B3GALT1: variants seen among roughly 807,000 people sequenced by gnomAD.
The protein encoded by B3GALT1 is beta-1,3-galactosyltransferase 1.
B3GALT1 carries 10 observed loss-of-function variants against 23.2 expected under a neutral mutation model. That is an observed-to-expected ratio of 0.43 (90% CI 0.27 to 0.73). B3GALT1 has a LOEUF of 0.73. Among genes scored for constraint, B3GALT1 ranks in the 30% least tolerant of loss-of-function variants. B3GALT1 has a pLI of 0.21. For synonymous variants in B3GALT1, 156 were observed against 141.5 expected (o/e 1.10, Z -0.73); for missense variants, 299 against 405.4 (o/e 0.74, Z 2.25).
intron 2 of B3GALT1, among the ~76,000 whole-genome samples, chr2:167,548,508 C>A (rs913812710): frequency 1.2e-4 from 18 of 152,168 alleles, no homozygotes; most frequent in African/African-American, 4.1e-4. Context: ...GTGGGCCCTT[C>A]TTCTCCTTTT....
At chr2:167,623,410 A>G (rs1490367423) in intron 2 of B3GALT1, among the ~76,000 whole-genome samples, 1 of 152,176 alleles carries the variant, frequency 6.6e-6, no homozygotes. Flanking sequence ...TATACCATGG[A>G]ATACTATGCA....
intron 3 of B3GALT1, chr2:167,714,419 G>GCTC: frequency 6.4e-6 from 10 of 1,560,048 alleles, no homozygotes; most frequent in Non-Finnish European, 8.8e-6. Context: ...TGGAAGCACA[G>GCTC]GTGAGAGTCT....
intron 3 of B3GALT1, among the ~76,000 whole-genome samples, chr2:167,798,198 G>C (rs1349860391): frequency 2.0e-5 from 3 of 152,182 alleles, no homozygotes; most frequent in African/African-American, 7.2e-5. Flanking sequence ...ACCTTTGTCA[G>C]ATGGATAGAT....
chr2:167,593,982 G>A (rs1475867893), intron 2 of B3GALT1, among the ~76,000 whole-genome samples: 1 of 152,128 alleles, frequency 6.6e-6, no homozygotes, highest in African/African-American at 2.4e-5. Context: ...AAACACAGAA[G>A]CCTAGATATT....
At chr2:167,688,524 T>C (rs1017774628) in intron 3 of B3GALT1, among the ~76,000 whole-genome samples, 2 of 151,938 alleles carry the variant, frequency 1.3e-5, no homozygotes, top group Admixed American at 6.6e-5. Flanking sequence ...TTTTTAAAAC[T>C]CGATAGGTGG....
At chr2:167,805,873 T>A (rs1336767742) in intron 3 of B3GALT1, among the ~76,000 whole-genome samples, 1 of 152,222 alleles carries the variant, frequency 6.6e-6, no homozygotes, top group Non-Finnish European at 1.5e-5. Flanking sequence ...AGAAAGTCAT[T>A]GGTAGCTTGA....
intron 2 of B3GALT1, among the ~76,000 whole-genome samples, chr2:167,519,065 CA>C (rs1211571783): frequency 2.7e-5 from 4 of 150,048 alleles, no homozygotes; most frequent in African/African-American, 4.9e-5. Flanking sequence ...GTAAAGAAAA[CA>C]AATACAATTT....
chr2:167,453,581 C>A (rs1287785674), intron 1 of B3GALT1, among the ~76,000 whole-genome samples: 3 of 151,920 alleles, frequency 2.0e-5, no homozygotes, highest in Admixed American at 6.6e-5. Context: ...CTACATTTTT[C>A]TGTTTAGGAA....
rs1000165617 is a variant in B3GALT1 at position 167,873,918 on chromosome 2, C to G, written c.*3898C>G. The G allele has an allele frequency of 2.0e-5, 3 of 152,224 alleles. No homozygotes were observed. Among genetic ancestry groups the G allele is most frequent in the African/African-American group, 7.2e-5 (3 of 41,456 alleles). The allele number at this position is 152,224 out of a possible 1,614,324, so 9.4% of individuals were successfully genotyped here. On this transcript the variant is annotated 3_prime_UTR_variant, in exon 5 of 5. Transcript: ENST00000392690. ...ATCATTACACTTTCTTCACCTTCCT[C>G]TTGAAATGTAAACTGTTGACTGAAA...
chr2:167,863,523 T>G (rs1690147205), intron 4 of B3GALT1, among the ~76,000 whole-genome samples: 2 of 152,218 alleles, frequency 1.3e-5, no homozygotes. Context: ...TGTTTAAGGC[T>G]ACTGAGACAC....
Position 167,733,558 on chromosome 2 carries a change from C to T in B3GALT1, c.-351-85114C>T, listed in dbSNP as rs73019343. 3.7e-3 allele frequency among the ~76,000 whole-genome samples: 567 copies of T among 152,200 alleles called. 1 individual carries two copies. Among genetic ancestry groups the T allele is most frequent in the African/African-American group, 0.013 (544 of 41,532 alleles). On this transcript the variant is annotated intron_variant, in intron 3 of 4. Coordinates refer to ENST00000392690, the MANE Select transcript of B3GALT1 (RefSeq NM_020981.4). ...GTTTCTCACTTTCTAAAACAAGTTT[C>T]TCAATTTCTAAAACAAATTGCCTAC...
intron 3 of B3GALT1, among the ~76,000 whole-genome samples, chr2:167,697,049 A>C (rs1006416130): frequency 6.6e-6 from 1 of 152,194 alleles, no homozygotes; most frequent in Non-Finnish European, 1.5e-5. Flanking sequence ...TCTGTTGTTC[A>C]TGCATTGCTC....
intron 1 of B3GALT1, among the ~76,000 whole-genome samples, chr2:167,326,203 T>TC (rs397935029): frequency 2.0e-5 from 3 of 151,884 alleles, no homozygotes; most frequent in East Asian, 3.9e-4. Flanking sequence ...TTTTTTTTTT[T>TC]CAGTATACTT....
chr2:167,677,613 C>G (rs1308992945), intron 3 of B3GALT1, among the ~76,000 whole-genome samples: 1 of 152,220 alleles, frequency 6.6e-6, no homozygotes, highest in Non-Finnish European at 1.5e-5. Flanking sequence ...ACTGTAGCAT[C>G]CCACCTTGCC....
At chr2:167,853,001 CAA>C (rs1224345651) in intron 4 of B3GALT1, among the ~76,000 whole-genome samples, 3 of 152,090 alleles carry the variant, frequency 2.0e-5, no homozygotes, top group East Asian at 1.9e-4. Flanking sequence ...TAAAGTTTAT[CAA>C]AGAGTCACAG....
intron 2 of B3GALT1, among the ~76,000 whole-genome samples, chr2:167,602,757 A>G (rs1684897897): frequency 6.6e-6 from 1 of 152,146 alleles, no homozygotes; most frequent in Non-Finnish European, 1.5e-5. Flanking sequence ...TTCTCAGCCC[A>G]TAGTAATCAT....
intron 2 of B3GALT1, among the ~76,000 whole-genome samples, chr2:167,553,405 G>T (rs1273918045): frequency 2.0e-5 from 3 of 152,168 alleles, no homozygotes; most frequent in Admixed American, 6.5e-5. Flanking sequence ...AGGAAATTGA[G>T]ACCGAGAAAA....
At chr2:167,733,513 A>G (rs1687442949) in intron 3 of B3GALT1, among the ~76,000 whole-genome samples, 1 of 152,128 alleles carries the variant, frequency 6.6e-6, no homozygotes, top group African/African-American at 2.4e-5. Context: ...GGAAGCCAAA[A>G]GATTGGACAG....
intron 2 of B3GALT1, among the ~76,000 whole-genome samples, chr2:167,545,419 C>G (rs979038538): frequency 6.6e-6 from 1 of 152,112 alleles, no homozygotes; most frequent in Non-Finnish European, 1.5e-5. Flanking sequence ...ATTTTCTATC[C>G]TCTTGTGGGT....
Sources: gnomAD v4.1 joint callset for allele counts (sites outside exome capture counted in the v4.1 genomes callset) on GRCh38, gnomAD v4.1.1 for gene constraint, MANE v1.5 for transcripts, NCBI Gene and HGNC (gene_info 2026-07-23, HGNC 2026-07-21) for gene names.